The following ZNF7 variants were observed in gnomAD, a reference collection of about 807,000 sequenced individuals.
The protein encoded by ZNF7 is zinc finger protein 7.
ZNF7 carries 10 observed loss-of-function variants against 12.0 expected under a neutral mutation model. The observed-to-expected ratio is 0.83, with a 90% CI of 0.51 to 1.42. The LOEUF (loss-of-function observed/expected upper bound fraction) is 1.42, where lower values mean the gene tolerates loss of function less well. Among genes scored for constraint, ZNF7 ranks in the 40% most tolerant of loss-of-function variants. ZNF7 has a pLI of 0.00. For synonymous variants in ZNF7, 334 were observed against 295.0 expected (o/e 1.13, Z -1.35); for missense variants, 854 against 837.2 (o/e 1.02, Z -0.25).
chr8:144,835,702 A>G (rs1450106357), intron 3 of ZNF7: 1 of 152,042 alleles, frequency 6.6e-6, no homozygotes, highest in Non-Finnish European at 1.5e-5. Context: ...AGCTCTCTGA[A>G]TCCTGCCCCG....
Position 144,842,732 on chromosome 8 carries a change from T to C in ZNF7, c.1625T>C (p.Ile542Thr). Residue 542 changes from isoleucine to threonine, a missense_variant, in exon 5 of 5, where the codon ATA becomes ACA. Transcript: ENST00000532777. ...KAFSMSTQLT[I>T]HQRVHTGERP... ...TTCAGTATGAGCACACAGCTTACAA[T>C]ACATCAAAGGGTTCACACTGGAGAG... 2 of 1,613,506 alleles carry C rather than the reference T, an allele frequency of 1.2e-6. No homozygotes were observed. The highest frequency in any genetic ancestry group is 2.7e-5 in the African/African-American group (2 of 74,838).
rs1336402137 is a variant in ZNF7, at chr8:144,831,859, C to G, written c.130+2255C>G. ...CAGGTTAGTTTTGTTTATTATAAATCACTTTTTCAGCCGGACATGGTGTTG... is the reference window on the plus strand; with the variant it reads ...CAGGTTAGTTTTGTTTATTATAAATGACTTTTTCAGCCGGACATGGTGTTG... On this transcript the variant is annotated intron_variant, in intron 3 of 4. Transcript: ENST00000532777. 2.0e-5 allele frequency among the ~76,000 whole-genome samples: 2 copies of G among 98,172 alleles called. 1 individual carries two copies. The highest frequency in any genetic ancestry group is 6.0e-5 in the African/African-American group (2 of 33,524). The allele number at this position is 98,172 out of a possible 152,430, so 64.4% of individuals were successfully genotyped here.
At chr8:144,840,196 C>T (rs539340947) in intron 4 of ZNF7, among the ~76,000 whole-genome samples, 6 of 152,338 alleles carry the variant, frequency 3.9e-5, no homozygotes, top group South Asian at 4.1e-4. Flanking sequence ...TGTGGTTGTG[C>T]AGGGAAAGCA....
intron 4 of ZNF7, chr8:144,840,965 T>C (rs565999992): frequency 4.4e-5 from 9 of 204,958 alleles, no homozygotes; most frequent in African/African-American, 1.9e-4. Flanking sequence ...CCTGTACTGT[T>C]TCCTCGCCAG....
At chr8:144,827,779 C>T (rs1735426) in intron 1 of ZNF7, 170 bp downstream of exon 1, 3 of 758,144 alleles carry the variant, frequency 4.0e-6, no homozygotes, top group Non-Finnish European at 4.8e-6. Context: ...GGGAGGTGGT[C>T]GAGCCCAGCC....
At chr8:144,836,984 T>G (rs1189900862) in intron 3 of ZNF7, 1 of 157,142 alleles carries the variant, frequency 6.4e-6, no homozygotes, top group Non-Finnish European at 1.4e-5. Flanking sequence ...CATCGTTGTT[T>G]GTTACCTTAT....
intron 3 of ZNF7, chr8:144,830,796 C>T (rs1268263106): frequency 1.7e-5 from 6 of 360,000 alleles, no homozygotes; most frequent in South Asian, 4.1e-5. Flanking sequence ...TGCAATGGCG[C>T]GATCTTGGCT....
At chr8:144,836,532 CTG>C (rs1171982707) in intron 3 of ZNF7, 1 of 152,246 alleles carries the variant, frequency 6.6e-6, no homozygotes, top group Non-Finnish European at 1.5e-5. Flanking sequence ...TTTGGCATGT[CTG>C]TGACTCAGTT....
At chr8:144,846,828 AGCTGGGACTACAGGTGCCT>A (rs1227118731), downstream of ZNF7, 1 of 152,184 alleles carries the variant, frequency 6.6e-6, no homozygotes, top group Admixed American at 6.5e-5. Flanking sequence ...CCTCCCGAGT[AGCTGGGACTACAGGTGCCT>A]GCTACCACGC....
At chr8:144,830,199 C>T (rs568096798) in intron 3 of ZNF7, among the ~76,000 whole-genome samples, 5 of 152,184 alleles carry the variant, frequency 3.3e-5, no homozygotes, top group Non-Finnish European at 7.3e-5. Context: ...CATCACACGC[C>T]CGAGAGAGTG....
chr8:144,842,755 G>C lies in ZNF7; in HGVS notation c.1648G>C (p.Glu550Gln). The C allele has an allele frequency of 6.2e-7, 1 of 1,614,228 alleles. No homozygotes were observed. Among genetic ancestry groups the C allele is most frequent in the South Asian group, 1.1e-5 (1 of 91,088 alleles). Residue 550 changes from glutamate to glutamine, a missense_variant, in exon 5 of 5, where the codon GAG becomes CAG. Coordinates refer to ENST00000532777, the MANE Select transcript of ZNF7 (RefSeq NM_003416.4). ...LTIHQRVHTG[E>Q]RPYKCNECGK... is the part of the protein sequence containing the mutation. Reference sequence around the variant, plus strand: ...AATACATCAAAGGGTTCACACTGGAGAGAGGCCCTATAAATGTAATGAATG... The same window carrying C: ...AATACATCAAAGGGTTCACACTGGACAGAGGCCCTATAAATGTAATGAATG...
At chr8:144,834,966 TCTC>T (rs1483914496) in intron 3 of ZNF7, 2 of 151,958 alleles carry the variant, frequency 1.3e-5, no homozygotes, top group African/African-American at 4.8e-5. Flanking sequence ...ATGGTCTTGA[TCTC>T]CTGACCTCGT....
At chr8:144,841,326 A>T in intron 4 of ZNF7, 29 bp from the exon 5 acceptor site, 7 of 1,575,052 alleles carry the variant, frequency 4.4e-6, no homozygotes, top group Non-Finnish European at 5.2e-6. Flanking sequence ...ACAGGGCCTA[A>T]GGAACGTCTT....
chr8:144,829,171 G>C, intron 2 of ZNF7, 81 bp downstream of exon 2: 1 of 1,603,886 alleles, frequency 6.2e-7, no homozygotes, highest in Non-Finnish European at 8.5e-7. Flanking sequence ...CCTGGGCCCA[G>C]ACCCTACCTT....
At position 144,841,821 on chromosome 8, in the gene ZNF7, G is replaced by T. The variant is rs1256302465; in HGVS notation, c.714G>T (p.Gly238=). 1.9e-6 allele frequency: 3 copies of T among 1,614,116 alleles called. No homozygotes were observed. Among genetic ancestry groups the T allele is most frequent in the Admixed American group, 3.3e-5 (2 of 60,008 alleles). Residue 238 remains glycine, a synonymous_variant, in exon 5 of 5, where the codon GGG becomes GGT. Transcript: ENST00000532777. ...AAAAGTTATCTGACTGCTTGCAGGG[G>T]AAACATACAAATAACTGCCATGGAG... ...CQKKLSDCLQ[G]KHTNNCHGEK...
At chr8:144,832,924 G>A (rs762945258) in intron 3 of ZNF7, among the ~76,000 whole-genome samples, 3 of 152,100 alleles carry the variant, frequency 2.0e-5, no homozygotes, top group Admixed American at 6.5e-5. Flanking sequence ...GGCCAGGCTC[G>A]GTGGCTCACA....
chr8:144,835,529 T>C (rs1828893471), intron 3 of ZNF7: 1 of 152,140 alleles, frequency 6.6e-6, no homozygotes, highest in African/African-American at 2.4e-5. Context: ...GTTATATTTG[T>C]AATTGTGTCT....
At position 144,843,498 on chromosome 8, in the gene ZNF7, G is replaced by T; in HGVS notation, c.*330G>T. 1 of 175,018 alleles carries T rather than the reference G, an allele frequency of 5.7e-6. No individual in the cohort carries two copies. Among genetic ancestry groups the T allele is most frequent in the Non-Finnish European group, 1.2e-5 (1 of 83,890 alleles). The allele number at this position is 175,018 out of a possible 1,614,324, so 10.8% of individuals were successfully genotyped here. ...AGCTGCTCGGGAGGCTGAGGCAGGA[G>T]AATGGCATCAGCCCAGGAGGCGGAG... On this transcript the variant is annotated 3_prime_UTR_variant, in exon 5 of 5. Coordinates refer to ENST00000532777, the MANE Select transcript of ZNF7 (RefSeq NM_003416.4).
At chr8:144,830,209 G>T (rs1205217520) in intron 3 of ZNF7, among the ~76,000 whole-genome samples, 3 of 152,248 alleles carry the variant, frequency 2.0e-5, no homozygotes, top group Non-Finnish European at 2.9e-5. Flanking sequence ...CCGAGAGAGT[G>T]CCTGGGCTGG....
Sources: allele counts gnomAD v4.1 joint callset (sites outside exome capture counted in the v4.1 genomes callset), GRCh38; gene constraint gnomAD v4.1.1; transcripts MANE v1.5; gene names NCBI Gene and HGNC (gene_info 2026-07-23, HGNC 2026-07-21).